Variants in PACRG observed in about 807,000 individuals in gnomAD.
PACRG encodes the protein parkin coregulated gene protein.
In PACRG, 29 loss-of-function variants were observed where a neutral mutation model predicts 29.7. The ratio of observed to expected loss-of-function variants is 0.98; its 90% CI spans 0.73 to 1.33. The LOEUF (loss-of-function observed/expected upper bound fraction) is 1.33, where lower values mean the gene tolerates loss of function less well. PACRG is among the 40% of genes most tolerant of loss of function. The pLI is 0.00. For synonymous variants in PACRG, 116 were observed against 118.7 expected, an observed-to-expected ratio of 0.98 and a Z score of 0.15; for missense variants, 279 against 316.2, an observed-to-expected ratio of 0.88 and a Z score of 0.89.
At position 163,076,362 on chromosome 6, in the gene PACRG, C is replaced by T. The variant is rs146641647; in HGVS notation, c.464-12897C>T. Among the ~76,000 whole-genome samples, 80 of 152,250 alleles carry T rather than the reference C, an allele frequency of 5.3e-4. 2 individuals carry two copies. The East Asian group carries it at 0.015, about 28-fold the overall frequency. On this transcript the variant is annotated intron_variant, in intron 3 of 4. Transcript: ENST00000366888. ...CAGTTTACACCCTCTGCGAGGCCCTCGCTTCCAAGATCCCCTCTTCCAATT... is the reference window on the plus strand; with the variant it reads ...CAGTTTACACCCTCTGCGAGGCCCTTGCTTCCAAGATCCCCTCTTCCAATT...
chr6:162,997,368 G>A (rs11964205), intron 2 of PACRG: 21,257 of 446,810 alleles, frequency 0.048, 2,285 homozygotes, highest in African/African-American at 0.29. Context: ...AGTCCTTTTT[G>A]TAGTCAAACC....
intron 2 of PACRG, among the ~76,000 whole-genome samples, chr6:162,823,174 G>A (rs1584462201): frequency 2.0e-5 from 3 of 152,196 alleles, no homozygotes; most frequent in African/African-American, 7.2e-5. Flanking sequence ...TAATGTCAAT[G>A]TATTGTTTGT....
At chr6:162,973,633 T>A (rs1321292239) in intron 2 of PACRG, among the ~76,000 whole-genome samples, 1 of 152,050 alleles carries the variant, frequency 6.6e-6, no homozygotes, top group Non-Finnish European at 1.5e-5. Flanking sequence ...ATTCCACAAT[T>A]TTCAACCTTT....
At chr6:163,078,510 GA>G (rs1182953445) in intron 3 of PACRG, among the ~76,000 whole-genome samples, 1 of 151,298 alleles carries the variant, frequency 6.6e-6, no homozygotes, top group Non-Finnish European at 1.5e-5. Flanking sequence ...AAAAGGGGGG[GA>G]GGGGGGCAAT....
intron 4 of PACRG, among the ~76,000 whole-genome samples, chr6:163,169,940 C>T (rs555614578): frequency 2.0e-5 from 3 of 152,292 alleles, no homozygotes; most frequent in Admixed American, 6.5e-5. Context: ...GCCACTTTCT[C>T]GCTGTGTCCT....
At chr6:163,285,489 T>C (rs1585399927) in intron 4 of PACRG, among the ~76,000 whole-genome samples, 1 of 152,300 alleles carries the variant, frequency 6.6e-6, no homozygotes, top group East Asian at 1.9e-4. Context: ...ACCGGATCTT[T>C]TCTGTCAACC....
intron 2 of PACRG, among the ~76,000 whole-genome samples, chr6:162,868,989 A>T (rs1458762999): frequency 6.6e-6 from 1 of 152,160 alleles, no homozygotes; most frequent in Non-Finnish European, 1.5e-5. Context: ...TCGTTACATC[A>T]CGCAGGTACA....
At chr6:163,092,135 T>C (rs1214283777) in intron 4 of PACRG, among the ~76,000 whole-genome samples, 3 of 152,232 alleles carry the variant, frequency 2.0e-5, no homozygotes, top group Non-Finnish European at 2.9e-5. Flanking sequence ...AGAGAAAATA[T>C]TCTTTCAAAT....
chr6:163,072,612 A>G (rs905900407), intron 3 of PACRG, among the ~76,000 whole-genome samples: 4 of 152,172 alleles, frequency 2.6e-5, no homozygotes, highest in Non-Finnish European at 5.9e-5. Context: ...AGCTAGGGCA[A>G]TCAGACAAGA....
At chr6:162,727,381 A>C, upstream of PACRG, 1 of 459,762 alleles carries the variant, frequency 2.2e-6, no homozygotes, top group East Asian at 4.1e-5. Flanking sequence ...GCGAACGAGG[A>C]GCGGGGGTGC....
intron 2 of PACRG, among the ~76,000 whole-genome samples, chr6:162,939,598 CCTAT>C (rs1281637111): frequency 6.6e-5 from 10 of 151,912 alleles, no homozygotes; most frequent in African/African-American, 2.4e-4. Flanking sequence ...TCTCATCTCT[CCTAT>C]CTTTTTTCCT....
chr6:162,945,756 A>G (rs1798955508), intron 2 of PACRG, among the ~76,000 whole-genome samples: 1 of 152,198 alleles, frequency 6.6e-6, no homozygotes, highest in East Asian at 1.9e-4. Flanking sequence ...ACCTCAAAAC[A>G]AGTCTCAACA....
At chr6:162,953,324 G>C (rs1390515144) in intron 2 of PACRG, among the ~76,000 whole-genome samples, 1 of 152,098 alleles carries the variant, frequency 6.6e-6, no homozygotes, top group Non-Finnish European at 1.5e-5. Context: ...CTGAACGACA[G>C]CTACTTGCAA....
In PACRG at chr6:163,089,346, A is replaced by G; in HGVS notation, c.551A>G (p.Lys184Arg). The change falls in exon 4 of 5, where the codon AAG becomes AGG. Residue 184 changes from lysine to arginine, a missense_variant. Coordinates refer to ENST00000366888, the MANE Select transcript of PACRG (RefSeq NM_001080379.2). The stretch of plus-strand genomic sequence containing the variant: ...GTTGTGTCAGCTGAGATGGTGGGCA[A>G]GGCCTTGGTGCCTTATTACCGTCAA... ...HLVVSAEMVG[K>R]ALVPYYRQIL... is the part of the protein sequence containing the mutation. 6.2e-7 allele frequency: 1 copy of G among 1,614,194 alleles called. No homozygotes were observed. Among genetic ancestry groups the G allele is most frequent in the African/African-American group, 1.3e-5 (1 of 75,058 alleles).
chr6:163,066,426 C>T (rs1243388727), intron 3 of PACRG, among the ~76,000 whole-genome samples: 1 of 152,096 alleles, frequency 6.6e-6, no homozygotes, highest in East Asian at 1.9e-4. Flanking sequence ...AGTGAGAGTC[C>T]CCAAGTGAGG....
intron 2 of PACRG, among the ~76,000 whole-genome samples, chr6:162,953,669 G>A (rs1003378328): frequency 6.6e-6 from 1 of 152,032 alleles, no homozygotes; most frequent in Non-Finnish European, 1.5e-5. Context: ...AGAGCTTGCT[G>A]TCCTCCCGCT....
chr6:163,228,729 A>G (rs891612351), intron 4 of PACRG, among the ~76,000 whole-genome samples: 16 of 152,224 alleles, frequency 1.1e-4, no homozygotes, highest in Non-Finnish European at 1.5e-5. Flanking sequence ...AGAAACCTTT[A>G]TAAATTGGAA....
At chr6:162,743,133 T>C (rs1359029238) in intron 1 of PACRG, among the ~76,000 whole-genome samples, 2 of 152,178 alleles carry the variant, frequency 1.3e-5, no homozygotes, top group Non-Finnish European at 2.9e-5. Context: ...GTACTGAGCA[T>C]TTTTTCATAT....
At chr6:162,875,321 TCA>T (rs1562687961) in intron 2 of PACRG, among the ~76,000 whole-genome samples, 5 of 149,854 alleles carry the variant, frequency 3.3e-5, no homozygotes, top group African/African-American at 1.2e-4. Flanking sequence ...GCACAGACAT[TCA>T]CACACAGACA....
Sources: allele counts gnomAD v4.1 joint callset (sites outside exome capture counted in the v4.1 genomes callset), GRCh38; gene constraint gnomAD v4.1.1; transcripts MANE v1.5; gene names NCBI Gene and HGNC (gene_info 2026-07-23, HGNC 2026-07-21).